ADGRF4: variants seen among roughly 807,000 people sequenced by gnomAD.
ADGRF4 encodes the protein G-protein coupled receptor PGR18.
ADGRF4 carries 63 observed loss-of-function variants against 58.5 expected under a neutral mutation model. That is an observed-to-expected ratio of 1.08 (90% CI 0.88 to 1.33). The LOEUF is 1.33. Among genes scored for constraint, ADGRF4 ranks in the 40% most tolerant of loss-of-function variants. The pLI is 0.00. For missense variants in ADGRF4, 931 were observed against 843.9 expected (o/e 1.10, Z -1.28); for synonymous variants, 313 against 295.4 (o/e 1.06, Z -0.61).
intron 1 of ADGRF4, among the ~76,000 whole-genome samples, chr6:47,704,867 T>C (rs1771670282): frequency 1.3e-5 from 2 of 152,220 alleles, no homozygotes; most frequent in East Asian, 1.9e-4. Context: ...TACATATCTA[T>C]GTATGTCTGT....
intron 1 of ADGRF4, among the ~76,000 whole-genome samples, chr6:47,704,519 A>C (rs550774063): frequency 3.3e-5 from 5 of 152,138 alleles, no homozygotes; most frequent in African/African-American, 9.7e-5. Flanking sequence ...CTTCAGTATA[A>C]TTGTGAAGGC....
rs114025960 is a variant in ADGRF4, at chr6:47,718,215, C to T, written c.2035-174C>T. ...ATTTTTTAGCAGAACATAAAAATAA[C>T]GATGTAGCTTACACTTAGATTCAGT... On this transcript the variant is annotated intron_variant, in intron 8 of 9. Coordinates refer to ENST00000283303, the MANE Select transcript of ADGRF4 (RefSeq NM_153838.5). Among the ~76,000 whole-genome samples, 665 of 152,290 alleles carry T rather than the reference C, an allele frequency of 4.4e-3. 3 individuals carry two copies. Among genetic ancestry groups the T allele is most frequent in the African/African-American group, 0.014 (576 of 41,554 alleles).
At position 47,714,574 on chromosome 6, in the gene ADGRF4, C is replaced by T. The variant is rs76319405; in HGVS notation, c.1329C>T (p.Ile443=). The T allele has an allele frequency of 1.7e-3, 2,766 of 1,614,084 alleles. 43 individuals carry two copies. In the African/African-American group the frequency reaches 0.032, roughly 19 times the overall value. The change falls in exon 6 of 10, where the codon ATC becomes ATT. Residue 443 remains isoleucine, a synonymous_variant. Transcript: ENST00000283303. Reference sequence around the variant, plus strand: ...TATCATACATGCGTCACGTGTGCATCGTGAATATAGCAGTGTCCCTTCTGA... The same window carrying T: ...TATCATACATGCGTCACGTGTGCATTGTGAATATAGCAGTGTCCCTTCTGA... ...TEISYMRHVC[I]VNIAVSLLTA...
At chr6:47,699,889 AAC>A (rs962655415) in intron 1 of ADGRF4, among the ~76,000 whole-genome samples, 95 of 123,042 alleles carry the variant, frequency 7.7e-4, no homozygotes, top group Middle Eastern at 4.3e-3. Context: ...TTAGGGGAAC[AAC>A]ACACACACAC....
intron 1 of ADGRF4, among the ~76,000 whole-genome samples, chr6:47,701,350 T>C (rs1581688584): frequency 6.6e-6 from 1 of 151,932 alleles, no homozygotes; most frequent in African/African-American, 2.4e-5. Flanking sequence ...GTTATGGAAG[T>C]GGAGGAGAAG....
At chr6:47,711,317 C>T (rs1771862523) in intron 4 of ADGRF4, among the ~76,000 whole-genome samples, 1 of 152,136 alleles carries the variant, frequency 6.6e-6, no homozygotes, top group African/African-American at 2.4e-5. Flanking sequence ...GGCTGGAGTG[C>T]AGTGGCGCAA....
intron 1 of ADGRF4, among the ~76,000 whole-genome samples, chr6:47,699,848 G>C (rs1581687424): frequency 6.6e-6 from 1 of 151,422 alleles, no homozygotes. Flanking sequence ...TATACTACTG[G>C]AACAGAGGAA....
chr6:47,708,362 G>T, intron 3 of ADGRF4, 84 bp downstream of exon 3: 1 of 996,150 alleles, frequency 1.0e-6, no homozygotes, highest in Non-Finnish European at 1.6e-6. Flanking sequence ...CTTGTCCCCA[G>T]ACCACAGGCT....
At chr6:47,709,839 T>C (rs976153557) in intron 3 of ADGRF4, among the ~76,000 whole-genome samples, 1 of 137,214 alleles carries the variant, frequency 7.3e-6, no homozygotes, top group Non-Finnish European at 1.6e-5. Flanking sequence ...CTAGTCTACG[T>C]AGCATCACAG....
At chr6:47,712,015 C>T (rs992030978) in intron 4 of ADGRF4, among the ~76,000 whole-genome samples, 1 of 152,214 alleles carries the variant, frequency 6.6e-6, no homozygotes, top group African/African-American at 2.4e-5. Flanking sequence ...GTTTGACCTG[C>T]CAACCTCCCA....
chr6:47,714,039 C>A lies in ADGRF4; in HGVS notation c.794C>A (p.Thr265Asn). 1.2e-6 allele frequency: 2 copies of A among 1,612,710 alleles called. No individual in the cohort carries two copies. The highest frequency in any genetic ancestry group is 1.7e-6 in the Non-Finnish European group (2 of 1,179,500). ...AATTTCTCCATGAGCATGAACAATA[C>A]CACAGAAGATATCTTAGGAATGGTA... Reference protein sequence around the residue: ...SLNFSMSMNNTTEDILGMVQI... With the variant: ...SLNFSMSMNNNTEDILGMVQI... Residue 265 changes from threonine to asparagine, a missense_variant, in exon 6 of 10, where the codon ACC becomes AAC. Thr to Asn is a moderately conservative substitution (Grantham distance 65). Transcript: ENST00000283303.
intron 9 of ADGRF4, among the ~76,000 whole-genome samples, chr6:47,719,612 G>A (rs528802678): frequency 2.6e-5 from 4 of 152,204 alleles, no homozygotes; most frequent in Admixed American, 6.5e-5. Context: ...TTAAAGAACC[G>A]CTTGTTTTAG....
intron 3 of ADGRF4, 131 bp from the exon 4 acceptor site, chr6:47,710,604 C>T (rs1771836911): frequency 1.3e-6 from 1 of 789,876 alleles, no homozygotes; most frequent in South Asian, 1.8e-5. Context: ...TTGCCGTGGA[C>T]CCAGTTCAAC....
In ADGRF4 at chr6:47,707,172, T is replaced by A; in HGVS notation, c.-16-58T>A. ...AAGGGGTTGGTTAGCCGGATAAGTA[T>A]TGTTAGTTGCGTGAAGTTGTCACCT... On this transcript the variant is annotated intron_variant, in intron 1 of 9. Coordinates refer to ENST00000283303, the MANE Select transcript of ADGRF4 (RefSeq NM_153838.5). 6 of 923,018 alleles carry A rather than the reference T, an allele frequency of 6.5e-6. 1 individual carries two copies. In the South Asian group the frequency reaches 7.8e-5, roughly 12 times the overall value. The allele number at this position is 923,018 out of a possible 1,614,324, so 57.2% of individuals were successfully genotyped here.
Position 47,708,889 on chromosome 6 carries a change from T to C in ADGRF4, c.148+611T>C, listed in dbSNP as rs76158706. Among the ~76,000 whole-genome samples, 658 of 152,252 alleles carry C rather than the reference T, an allele frequency of 4.3e-3. 3 individuals are homozygous for C. Among genetic ancestry groups the C allele is most frequent in the African/African-American group, 0.014 (574 of 41,524 alleles). On this transcript the variant is annotated intron_variant, in intron 3 of 9. Transcript: ENST00000283303. ...AAAGCAGAGAGAAAGGTAACTAACATTTACTGGGCATTTAAGACAACTTGA... is the reference window on the plus strand; with the variant it reads ...AAAGCAGAGAGAAAGGTAACTAACACTTACTGGGCATTTAAGACAACTTGA...
In ADGRF4 at chr6:47,715,943, T is replaced by C. The variant is rs552113179; in HGVS notation, c.1932+766T>C. On this transcript the variant is annotated intron_variant, in intron 6 of 9. Transcript: ENST00000283303. ...TATAGAGCACATTTATTATACTCTTTCTGTTGCATTGCTTTACAGTGAAAT... is the reference window on the plus strand; with the variant it reads ...TATAGAGCACATTTATTATACTCTTCCTGTTGCATTGCTTTACAGTGAAAT... Among the ~76,000 whole-genome samples, 60 of 152,124 alleles carry C rather than the reference T, an allele frequency of 3.9e-4. No homozygotes were observed. In the South Asian group the frequency reaches 0.012, roughly 30 times the overall value.
chr6:47,714,254 G>C lies in ADGRF4; in HGVS notation c.1009G>C (p.Glu337Gln), dbSNP rs116696585. ...GTTGCAAGAAATCATACTCACCTTC[G>C]AAAAGATCAATAAAACCCGCAATGC... The part of the protein sequence containing the change: ...ERLQEIILTF[E>Q]KINKTRNARA... The change falls in exon 6 of 10, where the codon GAA (glutamate) becomes CAA (glutamine). Residue 337 changes from glutamate to glutamine, a missense_variant. Transcript: ENST00000283303. 6.2e-7 allele frequency: 1 copy of C among 1,614,044 alleles called. No individual in the cohort carries two copies. Among genetic ancestry groups the C allele is most frequent in the Admixed American group, 1.7e-5 (1 of 60,004 alleles).
intron 5 of ADGRF4, 145 bp from the exon 6 acceptor site, chr6:47,713,653 T>C (rs1240574944): frequency 1.7e-6 from 1 of 575,028 alleles, no homozygotes; most frequent in African/African-American, 1.9e-5. Context: ...CTTACTAATG[T>C]GGATTCTAAT....
intron 7 of ADGRF4, among the ~76,000 whole-genome samples, 195 bp from the exon 8 acceptor site, chr6:47,717,097 G>C (rs903708581): frequency 6.6e-6 from 1 of 152,118 alleles, no homozygotes; most frequent in Non-Finnish European, 1.5e-5. Context: ...CACAATTTTA[G>C]TCCTAATACC....
Sources: gnomAD v4.1 joint callset for allele counts (sites outside exome capture counted in the v4.1 genomes callset) on GRCh38, gnomAD v4.1.1 for gene constraint, MANE v1.5 for transcripts, NCBI Gene and HGNC (gene_info 2026-07-23, HGNC 2026-07-21) for gene names.